The following BEGAIN variants were observed in gnomAD, a reference collection of about 807,000 sequenced individuals.
BEGAIN encodes the protein brain-enriched guanylate kinase-associated protein.
BEGAIN carries 19 observed loss-of-function variants against 35.8 expected under a neutral mutation model. That is an observed-to-expected ratio of 0.53 (90% CI 0.37 to 0.78). The LOEUF is 0.78. BEGAIN is among the 30% of genes least tolerant of loss of function. BEGAIN has a pLI of 0.00. For missense variants in BEGAIN, 795 were observed against 853.6 expected (o/e 0.93, Z 0.85); for synonymous variants, 462 against 388.6 (o/e 1.19, Z -2.22).
chr14:100,576,669 G>A (rs1014708446), intron 1 of BEGAIN, among the ~76,000 whole-genome samples: 1 of 152,198 alleles, frequency 6.6e-6, no homozygotes, highest in African/African-American at 2.4e-5. Context: ...GGACACAGAT[G>A]GTACAGGGCA....
Position 100,537,272 on chromosome 14 carries a change from TAGAGTA to T in BEGAIN, c.*691_*696del, listed in dbSNP as rs1401224100. The T allele has an allele frequency of 1.3e-5, 2 of 152,586 alleles. No individual in the cohort carries two copies. Among genetic ancestry groups the T allele is most frequent in the Non-Finnish European group, 2.9e-5 (2 of 68,074 alleles). The allele number at this position is 152,586 out of a possible 1,614,324, so 9.5% of individuals were successfully genotyped here. A position where few individuals can be genotyped will look rare whatever the true frequency, so the allele number is the denominator to read the frequency against. On this transcript the variant is annotated 3_prime_UTR_variant, in exon 7 of 7. Transcript: ENST00000554140. The stretch of plus-strand genomic sequence containing the variant: ...ATGGAGGGCCTCCTCATGTCTGAGG[TAGAGTA>T]AGACGGTGTCAGGGGGCGGACCCGG...
chr14:100,573,193 C>T lies in BEGAIN; in HGVS notation c.43-5254G>A, dbSNP rs968517086. Among the ~76,000 whole-genome samples the T allele has an allele frequency of 2.8e-5, 4 of 140,434 alleles. No individual in the cohort carries two copies. In the South Asian group the frequency reaches 9.5e-4, roughly 33 times the overall value. 92.1% of individuals were successfully genotyped at this position (140,434 alleles called of 152,430 possible). A position where few individuals can be genotyped will look rare whatever the true frequency, so the allele number is the denominator to read the frequency against. On this transcript the variant is annotated intron_variant, in intron 1 of 6. Coordinates refer to ENST00000554140, the MANE Select transcript of BEGAIN (RefSeq NM_001385089.1). The surrounding 1 kb of genome is among the most constrained non-coding windows in gnomAD (Gnocchi z 4.2). Reference sequence around the variant, plus strand: ...GAGCAGGTGAGTCTGGGGGGAGGGGCTTCCGGAGGAGGGGGCTGGTGAGTC... The same window carrying T: ...GAGCAGGTGAGTCTGGGGGGAGGGGTTTCCGGAGGAGGGGGCTGGTGAGTC...
At chr14:100,585,933 T>A (rs2139775418) in intron 1 of BEGAIN, among the ~76,000 whole-genome samples, 1 of 152,368 alleles carries the variant, frequency 6.6e-6, no homozygotes, top group Non-Finnish European at 1.5e-5. Context: ...GAGCCGCATC[T>A]GCCACAGTGC....
rs1319475543 is a variant in BEGAIN at position 100,546,774 on chromosome 14, GCGCGCGCACACACACA to G, written c.72-128_72-113del. Reference sequence around the variant, plus strand: ...AACACGCGAGTACCGGCGCGCGCGCGCGCGCGCACACACACACACACACACACACACACACACACTC... The same window carrying G: ...AACACGCGAGTACCGGCGCGCGCGCGCACACACACACACACACACACACTC... On this transcript the variant is annotated intron_variant, in intron 2 of 6. Transcript: ENST00000554140. 6.2e-4 allele frequency: 471 copies of G among 756,602 alleles called. 3 individuals are homozygous for G. In the African/African-American group the frequency reaches 0.012, roughly 19 times the overall value. 46.9% of individuals were successfully genotyped at this position (756,602 alleles called of 1,614,324 possible). A position where few individuals can be genotyped will look rare whatever the true frequency, so the allele number is the denominator to read the frequency against.
At chr14:100,545,546 G>T in intron 3 of BEGAIN, 2 of 597,696 alleles carry the variant, frequency 3.3e-6, no homozygotes, top group Non-Finnish European at 4.2e-6. Context: ...GAGGAGTGGA[G>T]CTGAGTGTCA....
intron 2 of BEGAIN, among the ~76,000 whole-genome samples, chr14:100,557,818 C>T (rs1463977067): frequency 3.9e-5 from 6 of 152,164 alleles, no homozygotes; most frequent in Non-Finnish European, 7.4e-5. Flanking sequence ...CTCCCAACAC[C>T]TCCTCCCCAT....
chr14:100,549,594 G>A (rs61992982), intron 2 of BEGAIN: 40 of 152,280 alleles, frequency 2.6e-4, no homozygotes, highest in Admixed American at 6.5e-4. Context: ...TCCCCACACC[G>A]GGCAATAACC....
In BEGAIN at chr14:100,546,776, G is replaced by GCACACA. The variant is rs1389719323; in HGVS notation, c.72-115_72-114insTGTGTG. ...CACGCGAGTACCGGCGCGCGCGCGC[G>GCACACA]CGCGCACACACACACACACACACAC... On this transcript the variant is annotated intron_variant, in intron 2 of 6. Transcript: ENST00000554140. 4.9e-4 allele frequency: 330 copies of GCACACA among 678,248 alleles called. 1 individual carries two copies. In the African/African-American group the frequency reaches 7.5e-3, roughly 15 times the overall value. The allele number at this position is 678,248 out of a possible 1,614,324, so 42.0% of individuals were successfully genotyped here. A position where few individuals can be genotyped will look rare whatever the true frequency, so the allele number is the denominator to read the frequency against.
Position 100,568,333 on chromosome 14 carries a change from C to CAAA in BEGAIN, c.43-395_43-394insTTT. Reference sequence around the variant, plus strand: ...CCCCCCGCCCCGCCCGTTAACCCTTCCTGCCCCGCGCTCCCTCCCGGAGGA... The same window carrying CAAA: ...CCCCCCGCCCCGCCCGTTAACCCTTCAAACTGCCCCGCGCTCCCTCCCGGAGGA... On this transcript the variant is annotated intron_variant, in intron 1 of 6. Coordinates refer to ENST00000554140, the MANE Select transcript of BEGAIN (RefSeq NM_001385089.1). The surrounding 1 kb of genome is among the most constrained non-coding windows in gnomAD (Gnocchi z 7.5). 9.1e-6 allele frequency: 6 copies of CAAA among 659,214 alleles called. No homozygotes were observed. Among genetic ancestry groups the CAAA allele is most frequent in the East Asian group, 7.7e-5 (1 of 12,944 alleles). 40.8% of individuals were successfully genotyped at this position (659,214 alleles called of 1,614,324 possible). A position where few individuals can be genotyped will look rare whatever the true frequency, so the allele number is the denominator to read the frequency against.
In BEGAIN at chr14:100,563,848, G is replaced by C. The variant is rs2034473412; in HGVS notation, c.71+4063C>G. Reference sequence around the variant, plus strand: ...GAAGCCACCATGACAACAGCAACTGGTAGCTCCACCTACCACCACAAGGGA... The same window carrying C: ...GAAGCCACCATGACAACAGCAACTGCTAGCTCCACCTACCACCACAAGGGA... On this transcript the variant is annotated intron_variant, in intron 2 of 6. Transcript: ENST00000554140. This position sits in a 1 kb window ranked among gnomAD's most constrained non-coding sequence, Gnocchi z 4.2. 6.6e-6 allele frequency among the ~76,000 whole-genome samples: 1 copy of C among 152,166 alleles called. No homozygotes were observed. The highest frequency in any genetic ancestry group is 2.4e-5 in the African/African-American group (1 of 41,418).
intron 2 of BEGAIN, among the ~76,000 whole-genome samples, chr14:100,561,359 C>G (rs1002259101): frequency 6.6e-6 from 1 of 152,184 alleles, no homozygotes; most frequent in Non-Finnish European, 1.5e-5. Flanking sequence ...AGGTGCATGA[C>G]CCCAGCGTGC....
chr14:100,543,764 T>C (rs2031980361), intron 5 of BEGAIN, 94 bp downstream of exon 5: 11 of 998,314 alleles, frequency 1.1e-5, no homozygotes, highest in Non-Finnish European at 1.7e-5. Context: ...CTCAGGACCC[T>C]TCAGAGTCAG....
rs978820249 is a variant in BEGAIN at position 100,563,062 on chromosome 14, G to C, written c.71+4849C>G. Among the ~76,000 whole-genome samples, 33 of 152,168 alleles carry C rather than the reference G, an allele frequency of 2.2e-4. No individual in the cohort carries two copies. Among genetic ancestry groups the C allele is most frequent in the African/African-American group, 7.5e-4 (31 of 41,436 alleles). On this transcript the variant is annotated intron_variant, in intron 2 of 6. Transcript: ENST00000554140. The surrounding 1 kb of genome is among the most constrained non-coding windows in gnomAD (Gnocchi z 4.2). ...GGCGTGGAGGGGCAGGGCAGGACAG[G>C]GTCAGGACCTTCGAGGCCACCTGCT...
In BEGAIN at chr14:100,538,040, T is replaced by C. The variant is rs370046165; in HGVS notation, c.1768A>G (p.Thr590Ala). 1.9e-6 allele frequency: 3 copies of C among 1,608,108 alleles called. No individual in the cohort carries two copies. Among genetic ancestry groups the C allele is most frequent in the Non-Finnish European group, 2.5e-6 (3 of 1,178,312 alleles). Reference protein sequence around the residue: ...RLSPQQAFPRTGGSGLSRKDS... With the variant: ...RLSPQQAFPRAGGSGLSRKDS... ...TTGCGGCTCAGCCCCGAGCCACCAGTCCGCGGAAAGGCCTGCTGGGGGCTG... is the reference window on the plus strand; with the variant it reads ...TTGCGGCTCAGCCCCGAGCCACCAGCCCGCGGAAAGGCCTGCTGGGGGCTG... The change falls in exon 7 of 7, where the codon ACT (threonine) becomes GCT (alanine). Residue 590 changes from threonine to alanine, a missense_variant. By Grantham distance (58) the Thr-to-Ala change is moderately conservative. Coordinates refer to ENST00000554140, the MANE Select transcript of BEGAIN (RefSeq NM_001385089.1).
chr14:100,584,859 C>T (rs992300158), intron 1 of BEGAIN, among the ~76,000 whole-genome samples: 2 of 152,082 alleles, frequency 1.3e-5, no homozygotes, highest in Non-Finnish European at 2.9e-5. Flanking sequence ...CAGAAGAGAA[C>T]CATGCGGGGT....
intron 2 of BEGAIN, among the ~76,000 whole-genome samples, chr14:100,565,552 G>A (rs755370284): frequency 1.3e-5 from 2 of 151,990 alleles, no homozygotes; most frequent in Non-Finnish European, 2.9e-5. Context: ...GAGAGGAGGG[G>A]GCCAGGACCA....
chr14:100,548,031 A>G (rs2032761709), intron 2 of BEGAIN: 1 of 152,198 alleles, frequency 6.6e-6, no homozygotes, highest in Admixed American at 6.5e-5. Flanking sequence ...TTTAAAAACA[A>G]ATAAAAATAA....
chr14:100,567,784 C>G lies in BEGAIN; in HGVS notation c.71+127G>C. On this transcript the variant is annotated intron_variant, in intron 2 of 6. Transcript: ENST00000554140. The surrounding 1 kb of genome is among the most constrained non-coding windows in gnomAD (Gnocchi z 5.1). Reference sequence around the variant, plus strand: ...CCACACACACGCACCTGGCCCGCAGCCCCGCCGAGGCCGCCCGCGGGCCCT... The same window carrying G: ...CCACACACACGCACCTGGCCCGCAGGCCCGCCGAGGCCGCCCGCGGGCCCT... 1 of 974,624 alleles carries G rather than the reference C, an allele frequency of 1.0e-6. No homozygotes were observed. Among genetic ancestry groups the G allele is most frequent in the Non-Finnish European group, 1.4e-6 (1 of 731,134 alleles). The allele number at this position is 974,624 out of a possible 1,614,324, so 60.4% of individuals were successfully genotyped here.
At chr14:100,581,177 A>G (rs2139763893) in intron 1 of BEGAIN, among the ~76,000 whole-genome samples, 1 of 152,312 alleles carries the variant, frequency 6.6e-6, no homozygotes, top group East Asian at 1.9e-4. Context: ...AGTGCTGGGA[A>G]GTGGCATGAG....
Sources: gnomAD v4.1 joint callset for allele counts (sites outside exome capture counted in the v4.1 genomes callset) on GRCh38, gnomAD v4.1.1 for gene constraint, Gnocchi (gnomAD v3.1) non-coding constraint, MANE v1.5 for transcripts, NCBI Gene and HGNC (gene_info 2026-07-23, HGNC 2026-07-21) for gene names.